Variants in DLG2 observed in about 807,000 individuals in gnomAD.
DLG2 encodes the protein disks large homolog 2.
Under a neutral mutation model 132.5 loss-of-function variants are expected in DLG2, and 45 were observed. That is an observed-to-expected ratio of 0.34 (90% confidence interval 0.27 to 0.44). DLG2 has a LOEUF of 0.44. Ranked by LOEUF, DLG2 falls within the 20% of genes least tolerant of loss-of-function variation. The pLI, the probability that DLG2 is intolerant of heterozygous loss-of-function variation, is 1.00. For synonymous variants in DLG2, 424 were observed against 419.6 expected (o/e 1.01, Z -0.13); for missense variants, 1,045 against 1,196.9 (o/e 0.87, Z 1.87).
chr11:84,569,781 T>C (rs1410938493), intron 6 of DLG2, among the ~76,000 whole-genome samples: 2 of 152,200 alleles, frequency 1.3e-5, no homozygotes, highest in African/African-American at 4.8e-5. Context: ...TCACTTAAGA[T>C]TGAGGCCAAT....
chr11:84,143,629 G>A (rs538053767), intron 9 of DLG2, among the ~76,000 whole-genome samples: 3 of 152,278 alleles, frequency 2.0e-5, no homozygotes, highest in Non-Finnish European at 4.4e-5. Flanking sequence ...ATATAAGCTT[G>A]TAAACTCTGA....
At chr11:84,970,949 T>C (rs2054016368) in intron 6 of DLG2, among the ~76,000 whole-genome samples, 1 of 152,202 alleles carries the variant, frequency 6.6e-6, no homozygotes, top group African/African-American at 2.4e-5. Context: ...CAATACTTAT[T>C]GAATATCTAA....
In DLG2 at chr11:85,285,295, G is replaced by A. The variant is rs2078486437; in HGVS notation, c.111C>T (p.Ala37=). The A allele has an allele frequency of 6.2e-7, 1 of 1,612,006 alleles. No individual in the cohort carries two copies. The highest frequency in any genetic ancestry group is 8.5e-7 in the Non-Finnish European group (1 of 1,178,688). The change falls in exon 4 of 28, where the codon GCC becomes GCT. Residue 37 remains alanine, a synonymous_variant. Transcript: ENST00000376104. ...QKSCEQKIEE[A]NQVLQKWEKT... ...TCTCCCATTTCTGTAAAACTTGATT[G>A]GCTTCTTCTATCTTCTGCTCACAAC...
chr11:83,466,871 C>T, intron 25 of DLG2, 54 bp from the exon 26 acceptor site: 1 of 1,239,458 alleles, frequency 8.1e-7, no homozygotes. Flanking sequence ...TGGCCATAAT[C>T]CAACAAAAGG....
chr11:85,414,331 A>T (rs892858447), intron 3 of DLG2, among the ~76,000 whole-genome samples: 1 of 152,008 alleles, frequency 6.6e-6, no homozygotes, highest in African/African-American at 2.4e-5. Context: ...GTAAACAATC[A>T]CATCATCAGC....
At chr11:84,274,095 T>C (rs1010310006) in intron 7 of DLG2, among the ~76,000 whole-genome samples, 2 of 152,190 alleles carry the variant, frequency 1.3e-5, no homozygotes, top group African/African-American at 4.8e-5. Context: ...AATATGCATG[T>C]GCACTTCGAC....
intron 16 of DLG2, among the ~76,000 whole-genome samples, chr11:83,845,031 T>C (rs992193247): frequency 6.6e-6 from 1 of 152,076 alleles, no homozygotes; most frequent in African/African-American, 2.4e-5. Flanking sequence ...GCATATAAGC[T>C]TGATTACTCC....
rs2089585314 is a variant in DLG2 at position 83,724,521 on chromosome 11, G to GAGAGA, written c.1825+62168_1825+62169insTCTCT. Among the ~76,000 whole-genome samples, 4 of 143,286 alleles carry GAGAGA rather than the reference G, an allele frequency of 2.8e-5. No homozygotes were observed. In the Admixed American group the frequency reaches 2.8e-4, roughly 10 times the overall value. The allele number at this position is 143,286 out of a possible 152,430, so 94.0% of individuals were successfully genotyped here. On this transcript the variant is annotated intron_variant, in intron 18 of 27. Coordinates refer to ENST00000376104, the MANE Select transcript of DLG2 (RefSeq NM_001142699.3). ...AGAGAGAGAGAGAGAGAGAGAGAGA[G>GAGAGA]AATATCAAGAGTCTAGCAGTTCACA...
intron 3 of DLG2, among the ~76,000 whole-genome samples, chr11:85,395,532 G>C (rs145780197): frequency 6.6e-6 from 1 of 152,280 alleles, no homozygotes; most frequent in African/African-American, 2.4e-5. Context: ...CATACCTAGA[G>C]AAACGGTACA....
rs11234267 is a variant in DLG2 at position 85,017,842 on chromosome 11, G to A, written c.357+93819C>T. Among the ~76,000 whole-genome samples, 1,269 of 152,196 alleles carry A rather than the reference G, an allele frequency of 8.3e-3. 21 individuals are homozygous for A. The East Asian group carries it at 0.087, about 10-fold the overall frequency. On this transcript the variant is annotated intron_variant, in intron 6 of 27. Transcript: ENST00000376104. The stretch of plus-strand genomic sequence containing the variant: ...TTCTCTCTCTCCTAGGGTCATCACC[G>A]TCATCTGTTCACTAGCGAAAACTGA...
intron 5 of DLG2, among the ~76,000 whole-genome samples, chr11:85,136,938 A>G (rs1328059951): frequency 6.6e-6 from 1 of 152,102 alleles, no homozygotes; most frequent in African/African-American, 2.4e-5. Flanking sequence ...TAAAAAATCT[A>G]TTTAAACTTA....
intron 7 of DLG2, among the ~76,000 whole-genome samples, chr11:84,468,059 C>T (rs1224525082): frequency 6.6e-6 from 1 of 151,434 alleles, no homozygotes; most frequent in Non-Finnish European, 1.5e-5. Context: ...ACCTACTTTG[C>T]AGTTTTATAA....
intron 6 of DLG2, among the ~76,000 whole-genome samples, chr11:85,002,258 A>C (rs1249595447): frequency 6.6e-6 from 1 of 152,124 alleles, no homozygotes; most frequent in Non-Finnish European, 1.5e-5. Flanking sequence ...TAATGCCCTG[A>C]TTTGGCTAGT....
chr11:84,430,452 A>G (rs1234249952), intron 7 of DLG2, among the ~76,000 whole-genome samples: 1 of 110,414 alleles, frequency 9.1e-6, no homozygotes, highest in Non-Finnish European at 1.6e-5. Flanking sequence ...AAAAAAAAGA[A>G]AAGAAAAAAA....
chr11:84,457,083 T>C (rs779906868), intron 7 of DLG2, among the ~76,000 whole-genome samples: 6 of 151,258 alleles, frequency 4.0e-5, no homozygotes, highest in Non-Finnish European at 7.4e-5. Flanking sequence ...TGGGCAATAA[T>C]TCTGAGTTTA....
intron 6 of DLG2, among the ~76,000 whole-genome samples, chr11:84,926,445 A>G (rs2154087467): frequency 6.6e-6 from 1 of 152,170 alleles, no homozygotes; most frequent in South Asian, 2.1e-4. Flanking sequence ...ACATAGGAAT[A>G]TAAGATATAT....
chr11:84,555,740 C>T (rs2099410689), intron 6 of DLG2, among the ~76,000 whole-genome samples: 1 of 152,130 alleles, frequency 6.6e-6, no homozygotes, highest in African/African-American at 2.4e-5. Context: ...ATCTGTTGTA[C>T]AACAAAGTGA....
chr11:84,000,482 T>C (rs1323698237), intron 11 of DLG2, among the ~76,000 whole-genome samples: 2 of 151,992 alleles, frequency 1.3e-5, no homozygotes, highest in African/African-American at 2.4e-5. Flanking sequence ...TTCCCAAGTC[T>C]AGCAAGATAA....
intron 19 of DLG2, among the ~76,000 whole-genome samples, chr11:83,544,929 C>G (rs1227972469): frequency 6.6e-6 from 1 of 152,144 alleles, no homozygotes; most frequent in African/African-American, 2.4e-5. Flanking sequence ...CTAGCAGTGC[C>G]AAAGACTTTT....
Sources: allele counts gnomAD v4.1 joint callset (sites outside exome capture counted in the v4.1 genomes callset), GRCh38; gene constraint gnomAD v4.1.1; transcripts MANE v1.5; gene names NCBI Gene and HGNC (gene_info 2026-07-23, HGNC 2026-07-21).